The following ERBB4 variants were observed in gnomAD, a reference collection of about 807,000 sequenced individuals.
The protein encoded by ERBB4 is receptor tyrosine-protein kinase erbB-4.
Under a neutral mutation model 158.0 loss-of-function variants are expected in ERBB4, and 42 were observed. The observed-to-expected ratio is 0.27, with a 90% CI of 0.21 to 0.34. The LOEUF (loss-of-function observed/expected upper bound fraction) is 0.34. ERBB4 is among the 10% of genes least tolerant of loss of function. The pLI is 1.00. For synonymous variants in ERBB4, 583 were observed against 558.7 expected, an observed-to-expected ratio of 1.04 and a Z score of -0.61; for missense variants, 1,333 against 1,624.1, an observed-to-expected ratio of 0.82 and a Z score of 3.08.
chr2:211,752,806 C>G (rs189770761), intron 4 of ERBB4, among the ~76,000 whole-genome samples: 2 of 118,986 alleles, frequency 1.7e-5, no homozygotes, highest in Non-Finnish European at 3.8e-5. Context: ...TGATATAGTA[C>G]CCACACACAC....
At chr2:212,300,434 G>A (rs2086576622) in intron 1 of ERBB4, among the ~76,000 whole-genome samples, 1 of 151,512 alleles carries the variant, frequency 6.6e-6, no homozygotes, top group Admixed American at 6.6e-5. Context: ...TGTTTTTTAA[G>A]CAAGAGCTTC....
At chr2:212,445,217 C>T (rs2092324732) in intron 1 of ERBB4, among the ~76,000 whole-genome samples, 1 of 152,022 alleles carries the variant, frequency 6.6e-6, no homozygotes, top group African/African-American at 2.4e-5. Flanking sequence ...CAATGTTCTC[C>T]AGAACGCCGT....
At position 211,380,790 on chromosome 2, in the gene ERBB4, A is replaced by T. The variant is rs2062561822; in HGVS notation, c.*2825T>A. 2 of 231,872 alleles carry T rather than the reference A, an allele frequency of 8.6e-6. No individual in the cohort carries two copies. The highest frequency in any genetic ancestry group is 1.1e-4 in the Admixed American group (2 of 17,730). The allele number at this position is 231,872 out of a possible 1,614,324, so 14.4% of individuals were successfully genotyped here. A position where few individuals can be genotyped will look rare whatever the true frequency, so the allele number is the denominator to read the frequency against. ...TCTCTAGGTATTACCCAACATGTAG[A>T]AGTCTTGTGTTCTTAGGAGGAAAGA... On this transcript the variant is annotated 3_prime_UTR_variant, in exon 28 of 28. Transcript: ENST00000342788.
chr2:211,654,870 C>T (rs2071151506), intron 16 of ERBB4, among the ~76,000 whole-genome samples: 1 of 152,000 alleles, frequency 6.6e-6, no homozygotes, highest in Non-Finnish European at 1.5e-5. Context: ...CAGTGACTGG[C>T]CATGGTCACC....
chr2:212,121,417 T>A (rs1249331936), intron 2 of ERBB4, among the ~76,000 whole-genome samples: 1 of 152,150 alleles, frequency 6.6e-6, no homozygotes, highest in African/African-American at 2.4e-5. Flanking sequence ...TTCACTATGT[T>A]GGCCAGGCTG....
intron 1 of ERBB4, among the ~76,000 whole-genome samples, chr2:212,289,902 AT>A (rs1376183491): frequency 4.6e-5 from 7 of 152,210 alleles, no homozygotes; most frequent in African/African-American, 1.2e-4. Flanking sequence ...GCTTTTATAG[AT>A]TTAACTGATA....
chr2:211,875,891 C>G (rs2106130734), intron 3 of ERBB4, among the ~76,000 whole-genome samples: 1 of 152,216 alleles, frequency 6.6e-6, no homozygotes, highest in Non-Finnish European at 1.5e-5. Context: ...TAGCATGCTG[C>G]ACTGGTTTGT....
intron 2 of ERBB4, among the ~76,000 whole-genome samples, chr2:211,982,681 T>A (rs561712696): frequency 6.6e-6 from 1 of 152,206 alleles, no homozygotes; most frequent in Admixed American, 6.5e-5. Context: ...TCCGATTCTA[T>A]AGGGCTCTGA....
chr2:211,532,553 G>T lies in ERBB4; in HGVS notation c.2487+29350C>A, dbSNP rs2066529398. 2.0e-5 allele frequency among the ~76,000 whole-genome samples: 3 copies of T among 152,032 alleles called. No homozygotes were observed. The South Asian group carries it at 6.2e-4, about 31-fold the overall frequency. On this transcript the variant is annotated intron_variant, in intron 20 of 27. Transcript: ENST00000342788. ...GAATCTGGGAGAAAAAAGGAGCTATGTTAAACATTCGGTCCTTAGTACCAT... is the reference window on the plus strand; with the variant it reads ...GAATCTGGGAGAAAAAAGGAGCTATTTTAAACATTCGGTCCTTAGTACCAT...
chr2:212,332,673 G>A (rs916496703), intron 1 of ERBB4, among the ~76,000 whole-genome samples: 1 of 152,012 alleles, frequency 6.6e-6, no homozygotes, highest in African/African-American at 2.4e-5. Flanking sequence ...GATGAAAAGA[G>A]TTCATTTCTT....
chr2:211,384,512 T>C (rs1037634987), intron 27 of ERBB4, among the ~76,000 whole-genome samples: 1 of 152,126 alleles, frequency 6.6e-6, no homozygotes, highest in African/African-American at 2.4e-5. Flanking sequence ...GATGAATAGA[T>C]GGAGTGAAGA....
intron 23 of ERBB4, 115 bp from the exon 24 acceptor site, chr2:211,422,219 TC>T (rs1223440585): frequency 1.4e-6 from 1 of 707,754 alleles, no homozygotes; most frequent in African/African-American, 1.8e-5. Flanking sequence ...ATCGTAATGA[TC>T]TGAGAAAGAA....
At chr2:211,620,179 CAAAT>C (rs1478442146) in intron 18 of ERBB4, among the ~76,000 whole-genome samples, 1 of 151,978 alleles carries the variant, frequency 6.6e-6, no homozygotes, top group African/African-American at 2.4e-5. Flanking sequence ...TGTATTTTCC[CAAAT>C]GAACGCAAAA....
At chr2:211,900,458 G>T (rs2079205654) in intron 3 of ERBB4, among the ~76,000 whole-genome samples, 1 of 151,498 alleles carries the variant, frequency 6.6e-6, no homozygotes, top group East Asian at 1.9e-4. Flanking sequence ...CAAACTCATT[G>T]CTCTTTAAAA....
chr2:211,782,839 T>C lies in ERBB4; in HGVS notation c.556+5186A>G, dbSNP rs143053701. On this transcript the variant is annotated intron_variant, in intron 4 of 27. Transcript: ENST00000342788. ...ACAGCTTTGTTCTTTTGGCTTAGGA[T>C]TGACTTGGCGATACGGGCTCTTTTT... 4.4e-3 allele frequency among the ~76,000 whole-genome samples: 665 copies of C among 152,314 alleles called. 3 individuals carry two copies. Among genetic ancestry groups the C allele is most frequent in the Non-Finnish European group, 6.8e-3 (463 of 68,012 alleles).
At chr2:212,477,491 G>A (rs894682591) in intron 1 of ERBB4, among the ~76,000 whole-genome samples, 1 of 152,114 alleles carries the variant, frequency 6.6e-6, no homozygotes, top group Non-Finnish European at 1.5e-5. Flanking sequence ...GTCAATTAAG[G>A]AACCAACTTG....
At chr2:212,147,285 G>A (rs1221814102) in intron 1 of ERBB4, among the ~76,000 whole-genome samples, 2 of 147,952 alleles carry the variant, frequency 1.4e-5, no homozygotes, top group Non-Finnish European at 3.0e-5. Context: ...GACTACAGGC[G>A]TGAGTCATGG....
At chr2:211,824,624 A>C (rs981773594) in intron 3 of ERBB4, among the ~76,000 whole-genome samples, 4 of 152,000 alleles carry the variant, frequency 2.6e-5, no homozygotes, top group African/African-American at 9.7e-5. Flanking sequence ...AGTAGAATAG[A>C]TTATTTACAT....
At chr2:211,739,413 T>G (rs2074715442) in intron 5 of ERBB4, among the ~76,000 whole-genome samples, 1 of 152,194 alleles carries the variant, frequency 6.6e-6, no homozygotes, top group African/African-American at 2.4e-5. Context: ...ATTTTAATAC[T>G]TGATAGGGAA....
Sources: gnomAD v4.1 joint callset for allele counts (sites outside exome capture counted in the v4.1 genomes callset) on GRCh38, gnomAD v4.1.1 for gene constraint, MANE v1.5 for transcripts, NCBI Gene and HGNC (gene_info 2026-07-23, HGNC 2026-07-21) for gene names.